The following GOSR2 variants were observed in gnomAD, a reference collection of about 807,000 sequenced individuals.
GOSR2 encodes the protein golgi SNAP receptor complex member 2.
GOSR2 carries 20 observed loss-of-function variants against 27.9 expected under a neutral mutation model. The observed-to-expected ratio is 0.72, with a 90% CI of 0.50 to 1.04. GOSR2 has a LOEUF of 1.04. GOSR2 is among the 50% of genes least tolerant of loss of function. The pLI is 0.00. For missense variants in GOSR2, 261 were observed against 270.5 expected, an observed-to-expected ratio of 0.97 and a Z score of 0.25; for synonymous variants, 91 against 98.8, an observed-to-expected ratio of 0.92 and a Z score of 0.47.
intron 2 of GOSR2, 148 bp downstream of exon 2, chr17:46,929,732 C>T: frequency 1.6e-6 from 1 of 637,248 alleles, no homozygotes; most frequent in Non-Finnish European, 2.9e-6. Flanking sequence ...AACCCTATGG[C>T]AAAGTCACTG....
chr17:46,963,180 T>C (rs1276726823), intron 6 of GOSR2, among the ~76,000 whole-genome samples: 1 of 152,248 alleles, frequency 6.6e-6, no homozygotes, highest in East Asian at 1.9e-4. Flanking sequence ...CTTTAAGCTT[T>C]CTATTCCTTG....
chr17:46,936,101 C>G (rs1382572891), intron 5 of GOSR2: 1 of 985,806 alleles, frequency 1.0e-6, no homozygotes, highest in Non-Finnish European at 1.2e-6. Context: ...TCACCTCCTG[C>G]TGACAGTTGC....
chr17:46,923,180 C>G lies in GOSR2; in HGVS notation c.-13C>G, dbSNP rs1220949754. On this transcript the variant is annotated 5_prime_UTR_variant, in exon 1 of 6. Transcript: ENST00000640051. ...AAGCCAGAGCCGGAGCCGTGGCCTGCGGGGCCGGCGACATGGATCCCCTGT... is the reference window on the plus strand; with the variant it reads ...AAGCCAGAGCCGGAGCCGTGGCCTGGGGGGCCGGCGACATGGATCCCCTGT... 3 of 1,530,752 alleles carry G rather than the reference C, an allele frequency of 2.0e-6. No individual in the cohort carries two copies. Among genetic ancestry groups the G allele is most frequent in the Admixed American group, 3.9e-5 (2 of 50,978 alleles). The allele number at this position is 1,530,752 out of a possible 1,614,324, so 94.8% of individuals were successfully genotyped here.
chr17:46,925,553 C>T (rs919784815), intron 1 of GOSR2, among the ~76,000 whole-genome samples: 4 of 152,146 alleles, frequency 2.6e-5, no homozygotes, highest in African/African-American at 7.2e-5. Flanking sequence ...ATAATTTGGG[C>T]TGGTTAAACT....
intron 1 of GOSR2, among the ~76,000 whole-genome samples, chr17:46,929,046 C>T (rs1016525213): frequency 2.6e-5 from 4 of 152,040 alleles, no homozygotes; most frequent in African/African-American, 9.7e-5. Flanking sequence ...CCTGTCATTC[C>T]TCATTATGTT....
At chr17:46,936,660 T>C (rs1427103788) in intron 5 of GOSR2, 3 of 985,030 alleles carry the variant, frequency 3.0e-6, no homozygotes, top group Non-Finnish European at 3.6e-6. Context: ...TTGAAATTTA[T>C]GGTCATTTTC....
Position 46,939,185 on chromosome 17 carries a change from G to A in GOSR2, c.*425G>A, listed in dbSNP as rs1344375994. The A allele has an allele frequency of 9.2e-7, 1 of 1,086,304 alleles. No individual in the cohort carries two copies. The highest frequency in any genetic ancestry group is 1.1e-6 in the Non-Finnish European group (1 of 887,016). 67.3% of individuals were successfully genotyped at this position (1,086,304 alleles called of 1,614,324 possible). ...GATAGGGTGGAGCAAAAGTGGAAAG[G>A]AAAGGAAAGAGGCCTTTTCTCACAG... On this transcript the variant is annotated 3_prime_UTR_variant, in exon 6 of 6. Coordinates refer to ENST00000640051, the MANE Select transcript of GOSR2 (RefSeq NM_004287.5).
chr17:46,935,390 CCT>C, intron 5 of GOSR2: 1 of 1,438,648 alleles, frequency 7.0e-7, no homozygotes, highest in Non-Finnish European at 9.1e-7. Context: ...CATGAAGTGG[CCT>C]CTCTTAGGAT....
chr17:46,971,486 C>G (rs1420495402), downstream of GOSR2, among the ~76,000 whole-genome samples: 1 of 152,164 alleles, frequency 6.6e-6, no homozygotes, highest in African/African-American at 2.4e-5. Flanking sequence ...CCCAGTGCCC[C>G]ACCCTAGCCT....
At chr17:46,964,458 C>T (rs959982442) in intron 6 of GOSR2, 1 of 152,286 alleles carries the variant, frequency 6.6e-6, no homozygotes, top group Non-Finnish European at 1.5e-5. Flanking sequence ...AGAACATGGC[C>T]TAGGAGCGCA....
chr17:46,971,897 A>G (rs865987774), downstream of GOSR2, among the ~76,000 whole-genome samples: 116 of 152,282 alleles, frequency 7.6e-4, no homozygotes, highest in African/African-American at 2.5e-3. Context: ...CTCCCCGGCA[A>G]GGGGGAAGCT....
intron 6 of GOSR2, among the ~76,000 whole-genome samples, chr17:46,951,192 G>A (rs2090316558): frequency 6.6e-6 from 1 of 152,200 alleles, no homozygotes. Flanking sequence ...TCCCTAGGAG[G>A]AGGCAGACAG....
rs1226534830 is a variant in GOSR2 at position 46,941,322 on chromosome 17, G to T, written c.*2562G>T. 6.1e-6 allele frequency: 6 copies of T among 985,336 alleles called. No homozygotes were observed. Among genetic ancestry groups the T allele is most frequent in the Non-Finnish European group, 7.2e-6 (6 of 829,850 alleles). 61.0% of individuals were successfully genotyped at this position (985,336 alleles called of 1,614,324 possible). On this transcript the variant is annotated 3_prime_UTR_variant, in exon 6 of 6. Transcript: ENST00000640051. ...TGGATTTACACCCATTGTTTTGGAA[G>T]CACATCAGCTGAATAAAGTTGAGGT...
rs16941278 is a variant in GOSR2 at position 46,926,657 on chromosome 17, G to A, written c.30-2863G>A. ...ATGTTGTGTTAGAATTCCCAGTTCA[G>A]TTTGAGACAGATTTTGCACTTGGCA... On this transcript the variant is annotated intron_variant, in intron 1 of 5. Transcript: ENST00000640051. Among the ~76,000 whole-genome samples, 58 of 152,312 alleles carry A rather than the reference G, an allele frequency of 3.8e-4. No individual in the cohort carries two copies. In the East Asian group the frequency reaches 0.011, roughly 29 times the overall value.
chr17:46,923,549 T>G (rs2086018527), intron 1 of GOSR2: 3 of 1,321,954 alleles, frequency 2.3e-6, no homozygotes, highest in Non-Finnish European at 1.9e-6. Flanking sequence ...TCGGTGCTCC[T>G]GGTTGGTAGA....
exon 7 of GOSR2, chr17:46,966,652 A>G (rs2147333482): frequency 1.7e-6 from 1 of 594,234 alleles, no homozygotes; most frequent in Non-Finnish European, 3.1e-6. Context: ...CTGACCTCCA[A>G]ATACCTTTTG....
exon 7 of GOSR2, chr17:46,966,872 G>T (rs1371421784): frequency 4.9e-6 from 2 of 405,920 alleles, no homozygotes; most frequent in African/African-American, 4.1e-5. Context: ...TCTCTAAATG[G>T]CCATTATGCT....
chr17:46,936,857 T>C, intron 5 of GOSR2: 1 of 982,002 alleles, frequency 1.0e-6, no homozygotes, highest in Non-Finnish European at 1.2e-6. Flanking sequence ...GGCTGAGGCT[T>C]CTTAATTGCT....
downstream of GOSR2, among the ~76,000 whole-genome samples, chr17:46,943,235 C>T (rs1304815394): frequency 1.3e-5 from 2 of 152,194 alleles, no homozygotes; most frequent in Admixed American, 1.3e-4. Context: ...GATTCTCCCT[C>T]TGGATCAGAA....
Sources: allele counts gnomAD v4.1 joint callset (sites outside exome capture counted in the v4.1 genomes callset), GRCh38; gene constraint gnomAD v4.1.1; transcripts MANE v1.5; gene names NCBI Gene and HGNC (gene_info 2026-07-23, HGNC 2026-07-21).